SOX6: variants seen among roughly 807,000 people sequenced by gnomAD.
The protein encoded by SOX6 is SRY-box transcription factor 6, also known as transcription factor SOX-6.
SOX6 carries 11 observed loss-of-function variants against 97.8 expected under a neutral mutation model. The observed-to-expected ratio is 0.11, with a 90% CI of 0.07 to 0.19. The LOEUF is 0.19. SOX6 is among the 10% of genes least tolerant of loss of function. The probability of loss-of-function intolerance (pLI) is 1.00; values close to 1 mark genes in which losing one functional copy is unlikely to be tolerated. For synonymous variants in SOX6, 360 were observed against 371.4 expected (o/e 0.97, Z 0.35); for missense variants, 810 against 1,039.5 (o/e 0.78, Z 3.04).
chr11:16,717,654 A>C (rs1042803619), intron 2 of SOX6, among the ~76,000 whole-genome samples: 2 of 152,164 alleles, frequency 1.3e-5, no homozygotes, highest in African/African-American at 4.8e-5. Context: ...TATTAAAAAC[A>C]GAACAGTCTC....
In SOX6 at chr11:16,186,862, T is replaced by C. The variant is rs767262574; in HGVS notation, c.629A>G (p.Asp210Gly). 4 of 1,613,728 alleles carry C rather than the reference T, an allele frequency of 2.5e-6. No individual in the cohort carries two copies. The African/African-American group carries it at 5.3e-5, about 22-fold the overall frequency. Reference protein sequence around the residue: ...SLREQLLAAHDEQKKLAASQI... With the variant: ...SLREQLLAAHGEQKKLAASQI... ...TGACGCTGCCAGTTTTTTCTGTTCATCATGCGCTGCCAGTAGCTGCTCCCG... is the reference window on the plus strand; with the variant it reads ...TGACGCTGCCAGTTTTTTCTGTTCACCATGCGCTGCCAGTAGCTGCTCCCG... The change falls in exon 5 of 16, where the codon GAT (aspartate) becomes GGT (glycine). Residue 210 changes from aspartate (D) to glycine (G), a missense_variant. Transcript: ENST00000683767.
intron 4 of SOX6, among the ~76,000 whole-genome samples, chr11:16,213,790 A>G (rs1204596440): frequency 6.6e-6 from 1 of 152,194 alleles, no homozygotes; most frequent in Non-Finnish European, 1.5e-5. Flanking sequence ...AAAATTATGA[A>G]CACCAATTTC....
At chr11:16,359,098 A>T (rs1342864934), upstream of SOX6, among the ~76,000 whole-genome samples, 1 of 151,820 alleles carries the variant, frequency 6.6e-6, no homozygotes, top group Non-Finnish European at 1.5e-5. Flanking sequence ...GATATATTGT[A>T]GGAGCCCAGA....
chr11:16,552,578 A>C (rs1847700929), intron 4 of SOX6, among the ~76,000 whole-genome samples: 1 of 152,196 alleles, frequency 6.6e-6, no homozygotes, highest in Non-Finnish European at 1.5e-5. Context: ...AAATGAAAGC[A>C]ATTTTTCTAA....
At chr11:16,500,593 T>C (rs530835075) in intron 4 of SOX6, among the ~76,000 whole-genome samples, 33 of 152,206 alleles carry the variant, frequency 2.2e-4, no homozygotes, top group Non-Finnish European at 3.8e-4. Flanking sequence ...CCTTAGCTGA[T>C]AAGCAACTTC....
At chr11:16,316,459 G>C (rs1181719940) in intron 3 of SOX6, 1 of 151,522 alleles carries the variant, frequency 6.6e-6, no homozygotes, top group African/African-American at 2.4e-5. Context: ...AAAATCTGTA[G>C]AGTATGAAAA....
chr11:16,507,095 TAAAAG>T (rs1860801096), intron 4 of SOX6, among the ~76,000 whole-genome samples: 9 of 151,822 alleles, frequency 5.9e-5, no homozygotes, highest in Admixed American at 5.9e-4. Context: ...TACAATAAAA[TAAAAG>T]TGTGTAGCAC....
intron 1 of SOX6, among the ~76,000 whole-genome samples, chr11:16,451,783 C>T (rs2133096743): frequency 6.6e-6 from 1 of 152,026 alleles, no homozygotes; most frequent in East Asian, 1.9e-4. Context: ...TGATGCCTCC[C>T]AACACTTTGG....
At chr11:16,110,013 A>C (rs1480371656) in intron 7 of SOX6, among the ~76,000 whole-genome samples, 1 of 152,138 alleles carries the variant, frequency 6.6e-6, no homozygotes, top group Non-Finnish European at 1.5e-5. Flanking sequence ...TGTTTTTCTC[A>C]GTTACATATT....
In SOX6 at chr11:16,681,428, C is replaced by T. The variant is rs553366525; in HGVS notation, n.429+33402G>A. The stretch of plus-strand genomic sequence containing the variant: ...GAAACGAATTAGAACAAAGACACAA[C>T]ATACCAGAATCTCCGGGACACATTT... On this transcript the variant is annotated intron_variant and non_coding_transcript_variant, in intron 3 of 5. Transcript: ENST00000524520. Among the ~76,000 whole-genome samples, 2 of 152,208 alleles carry T rather than the reference C, an allele frequency of 1.3e-5. 1 individual carries two copies. Among genetic ancestry groups the T allele is most frequent in the South Asian group, 4.2e-4 (2 of 4,814 alleles).
intron 4 of SOX6, among the ~76,000 whole-genome samples, chr11:16,190,940 A>G (rs1851613681): frequency 6.6e-6 from 1 of 152,166 alleles, no homozygotes; most frequent in Admixed American, 6.5e-5. Flanking sequence ...TAAAAATAAC[A>G]TCAAGTCTAA....
intron 4 of SOX6, among the ~76,000 whole-genome samples, chr11:16,556,878 T>C (rs1847754585): frequency 6.6e-6 from 1 of 151,788 alleles, no homozygotes; most frequent in African/African-American, 2.4e-5. Context: ...TAGCTGATAA[T>C]ACCTCTGAGA....
intron 4 of SOX6, among the ~76,000 whole-genome samples, chr11:16,571,025 A>T (rs1445721929): frequency 6.6e-6 from 1 of 152,216 alleles, no homozygotes; most frequent in Non-Finnish European, 1.5e-5. Context: ...ACATTTTTAA[A>T]GGAAAAATAT....
intron 15 of SOX6, 94 bp downstream of exon 15, chr11:15,986,110 C>G: frequency 8.5e-7 from 1 of 1,174,564 alleles, no homozygotes; most frequent in South Asian, 1.2e-5. Context: ...CCTCCTCTTT[C>G]CCTAATCTCC....
chr11:16,432,528 A>T (rs1463604324), intron 1 of SOX6, among the ~76,000 whole-genome samples: 5 of 152,140 alleles, frequency 3.3e-5, no homozygotes, highest in Non-Finnish European at 7.4e-5. Flanking sequence ...ATCCAATGAT[A>T]CAAATTGCCG....
At chr11:16,046,476 A>G (rs759119847) in intron 12 of SOX6, 38 bp downstream of exon 12, 7 of 1,607,448 alleles carry the variant, frequency 4.4e-6, no homozygotes, top group Non-Finnish European at 5.1e-6. Context: ...TGAGCCAATA[A>G]GTCTAGCAGA....
chr11:16,362,925 T>C (rs1857246743), intron 1 of SOX6, among the ~76,000 whole-genome samples: 1 of 152,196 alleles, frequency 6.6e-6, no homozygotes, highest in Admixed American at 6.6e-5. Context: ...CTTCTAGTCA[T>C]AGAGATCTTT....
At chr11:16,246,076 C>T in intron 3 of SOX6, among the ~76,000 whole-genome samples, 1 of 151,028 alleles carries the variant, frequency 6.6e-6, no homozygotes, top group South Asian at 2.1e-4. Flanking sequence ...CTCTTTATTT[C>T]ATTATTTAAA....
Position 16,649,073 on chromosome 11 carries a change from A to G in SOX6, n.430-36813T>C, listed in dbSNP as rs191994520. Among the ~76,000 whole-genome samples the G allele has an allele frequency of 2.1e-3, 327 of 152,270 alleles. 1 individual carries two copies. The highest frequency in any genetic ancestry group is 2.4e-3 in the Non-Finnish European group (166 of 68,014). The stretch of plus-strand genomic sequence containing the variant: ...TAACCCAATCAGACGGAGACAAAGA[A>G]AAAAGAAGGAAAAAAAAAGAACAAA... On this transcript the variant is annotated intron_variant and non_coding_transcript_variant, in intron 3 of 5. Transcript: ENST00000524520.
Sources: allele counts gnomAD v4.1 joint callset (sites outside exome capture counted in the v4.1 genomes callset), GRCh38; gene constraint gnomAD v4.1.1; transcripts MANE v1.5; gene names NCBI Gene and HGNC (gene_info 2026-07-23, HGNC 2026-07-21).